PTPRD: variants seen among roughly 807,000 people sequenced by gnomAD.
PTPRD encodes protein tyrosine phosphatase receptor type D.
In PTPRD, 34 loss-of-function variants were observed where a neutral mutation model predicts 214.5. The ratio of observed to expected loss-of-function variants is 0.16; its 90% CI spans 0.12 to 0.21. The LOEUF (loss-of-function observed/expected upper bound fraction) is 0.21. Among genes scored for constraint, PTPRD ranks in the 10% least tolerant of loss-of-function variants. PTPRD has a pLI of 1.00. For synonymous variants in PTPRD, 1,128 were observed against 845.7 expected (o/e 1.33, Z -5.79); for missense variants, 2,545 against 2,398.7 (o/e 1.06, Z -1.27).
chr9:9,853,192 C>A (rs1342878524), intron 5 of PTPRD, among the ~76,000 whole-genome samples: 3 of 152,182 alleles, frequency 2.0e-5, no homozygotes, highest in African/African-American at 7.2e-5. Context: ...TCAGGACAAA[C>A]AGGCTTTATT....
At chr9:9,553,695 A>G (rs1486597014) in intron 8 of PTPRD, among the ~76,000 whole-genome samples, 1 of 152,038 alleles carries the variant, frequency 6.6e-6, no homozygotes, top group Non-Finnish European at 1.5e-5. Flanking sequence ...ATTGTTGACA[A>G]TAAGGGACTT....
chr9:9,154,088 C>G (rs1294369100), intron 10 of PTPRD, among the ~76,000 whole-genome samples: 4 of 152,136 alleles, frequency 2.6e-5, no homozygotes, highest in Non-Finnish European at 5.9e-5. Context: ...TGTCTGCTTG[C>G]ACTCTTACTG....
intron 11 of PTPRD, among the ~76,000 whole-genome samples, chr9:8,921,870 A>G (rs2098830341): frequency 6.6e-6 from 1 of 152,180 alleles, no homozygotes; most frequent in Non-Finnish European, 1.5e-5. Context: ...GCTTTGGTAA[A>G]TTTAAATAAA....
chr9:10,605,902 T>C (rs2079195374), intron 2 of PTPRD, among the ~76,000 whole-genome samples: 1 of 151,876 alleles, frequency 6.6e-6, no homozygotes, highest in South Asian at 2.1e-4. Flanking sequence ...TTATGCATAT[T>C]GCATAATCCT....
intron 14 of PTPRD, among the ~76,000 whole-genome samples, chr9:8,536,783 GC>G (rs757179214): frequency 6.6e-6 from 1 of 151,946 alleles, no homozygotes; most frequent in Non-Finnish European, 1.5e-5. Flanking sequence ...ATGACTTTGG[GC>G]CACAAGGTCC....
intron 3 of PTPRD, among the ~76,000 whole-genome samples, chr9:10,275,794 G>A (rs1339609198): frequency 6.6e-6 from 1 of 152,154 alleles, no homozygotes; most frequent in African/African-American, 2.4e-5. Flanking sequence ...AAATGGTGGA[G>A]CCAAAAGTGA....
chr9:8,433,643 A>C (rs1226766908), intron 35 of PTPRD, among the ~76,000 whole-genome samples: 1 of 152,218 alleles, frequency 6.6e-6, no homozygotes, highest in Non-Finnish European at 1.5e-5. Flanking sequence ...TATAATTTAA[A>C]TAGAAAAACG....
chr9:9,413,167 TGCA>T (rs2076012881), intron 8 of PTPRD, among the ~76,000 whole-genome samples: 1 of 123,356 alleles, frequency 8.1e-6, no homozygotes, highest in Admixed American at 1.1e-4. Flanking sequence ...GACTGCGGAC[TGCA>T]GTGGCGCAAT....
chr9:8,701,169 G>A (rs2098074182), intron 12 of PTPRD, among the ~76,000 whole-genome samples: 2 of 151,712 alleles, frequency 1.3e-5, no homozygotes, highest in Non-Finnish European at 2.9e-5. Context: ...TCAAAAAAAA[G>A]AAAGTTAAAT....
chr9:10,427,168 T>C (rs370042028), intron 2 of PTPRD, among the ~76,000 whole-genome samples: 1 of 152,160 alleles, frequency 6.6e-6, no homozygotes, highest in East Asian at 1.9e-4. Context: ...GCCTCTACTT[T>C]AACAGCTATG....
rs115066431 is a variant in PTPRD at position 8,347,838 on chromosome 9, A to C, written c.4662-5860T>G. On this transcript the variant is annotated intron_variant, in intron 39 of 45. Transcript: ENST00000381196. ...GAAAGTAGTCATCTAAAAGCCAGGA[A>C]GAGAGGCCTCTCCTGAAACCAACTC... Among the ~76,000 whole-genome samples, 861 of 152,258 alleles carry C rather than the reference A, an allele frequency of 5.7e-3. 10 individuals carry two copies. Among genetic ancestry groups the C allele is most frequent in the African/African-American group, 0.019 (809 of 41,554 alleles).
At chr9:8,982,982 A>G (rs185616512) in intron 11 of PTPRD, among the ~76,000 whole-genome samples, 2 of 152,046 alleles carry the variant, frequency 1.3e-5, no homozygotes, top group African/African-American at 2.4e-5. Context: ...GTGGATCATC[A>G]ATTAACCTCA....
chr9:10,441,598 T>C (rs2098759071), intron 2 of PTPRD, among the ~76,000 whole-genome samples: 1 of 151,664 alleles, frequency 6.6e-6, no homozygotes. Context: ...TCCTTATTAT[T>C]GTGCTTATTA....
intron 44 of PTPRD, among the ~76,000 whole-genome samples, chr9:8,326,348 C>T (rs1473232967): frequency 6.6e-6 from 1 of 152,068 alleles, no homozygotes; most frequent in Non-Finnish European, 1.5e-5. Context: ...TTGTCATTGG[C>T]TCTGTGTATG....
At chr9:9,556,024 C>G (rs1256501864) in intron 8 of PTPRD, among the ~76,000 whole-genome samples, 1 of 152,074 alleles carries the variant, frequency 6.6e-6, no homozygotes, top group African/African-American at 2.4e-5. Flanking sequence ...GGGGACCCCA[C>G]AGGTAGCCAA....
intron 14 of PTPRD, among the ~76,000 whole-genome samples, chr9:8,583,712 G>T (rs1385336189): frequency 6.6e-6 from 1 of 152,160 alleles, no homozygotes. Context: ...ATGGGAGGTG[G>T]GAGGATGGAA....
chr9:9,661,201 C>T (rs899329186), intron 7 of PTPRD, among the ~76,000 whole-genome samples: 10 of 151,802 alleles, frequency 6.6e-5, no homozygotes, highest in Non-Finnish European at 1.5e-5. Context: ...GTGGACCTGT[C>T]CCTTCCTCAT....
At chr9:8,611,860 T>C (rs2095462454) in intron 14 of PTPRD, among the ~76,000 whole-genome samples, 1 of 149,136 alleles carries the variant, frequency 6.7e-6, no homozygotes, top group South Asian at 2.1e-4. Flanking sequence ...GCATTCATTA[T>C]CACTTCCAGA....
intron 5 of PTPRD, among the ~76,000 whole-genome samples, chr9:9,935,858 T>C (rs991124508): frequency 4.0e-5 from 6 of 149,424 alleles, no homozygotes; most frequent in African/African-American, 1.5e-4. Flanking sequence ...CAAAACAGCA[T>C]GGTACTGGTA....
Sources: gnomAD v4.1 joint callset for allele counts (sites outside exome capture counted in the v4.1 genomes callset) on GRCh38, gnomAD v4.1.1 for gene constraint, MANE v1.5 for transcripts, NCBI Gene and HGNC (gene_info 2026-07-23, HGNC 2026-07-21) for gene names.